Variants in KLRC1 observed in about 807,000 individuals in gnomAD.
KLRC1 encodes the protein NKG2-A/NKG2-B type II integral membrane protein.
In KLRC1, 22 loss-of-function variants were observed where a neutral mutation model predicts 25.9. The ratio of observed to expected loss-of-function variants is 0.85; its 90% CI spans 0.61 to 1.21. The LOEUF (loss-of-function observed/expected upper bound fraction) is 1.21, where lower values mean the gene tolerates loss of function less well. Among genes scored for constraint, KLRC1 ranks in the 50% most tolerant of loss-of-function variants. The pLI is 0.00. For missense variants in KLRC1, 240 were observed against 272.2 expected, an observed-to-expected ratio of 0.88 and a Z score of 0.83; for synonymous variants, 77 against 93.1, an observed-to-expected ratio of 0.83 and a Z score of 0.99.
downstream of KLRC1, among the ~76,000 whole-genome samples, chr12:10,444,798 T>G (rs1278174796): frequency 2.6e-5 from 4 of 151,948 alleles, no homozygotes; most frequent in Non-Finnish European, 5.9e-5. Context: ...CTTCCCAAGA[T>G]AGCCTTGATA....
rs572182116 is a variant in KLRC1, at chr12:10,446,346, C to T, written c.*205G>A. The T allele has an allele frequency of 1.4e-3, 1,836 of 1,321,608 alleles. 3 individuals carry two copies. Among genetic ancestry groups the T allele is most frequent in the Non-Finnish European group, 1.7e-3 (1,761 of 1,027,650 alleles). The allele number at this position is 1,321,608 out of a possible 1,614,324, so 81.9% of individuals were successfully genotyped here. A position where few individuals can be genotyped will look rare whatever the true frequency, so the allele number is the denominator to read the frequency against. ...TTAGAAAGGCTGAAAACCACAAATA[C>T]CATGTTGAGCAAAATGAGCCCGACA... On this transcript the variant is annotated 3_prime_UTR_variant, in exon 7 of 7. Transcript: ENST00000359151.
At chr12:10,454,667 T>G, upstream of KLRC1, 1 of 978,666 alleles carries the variant, frequency 1.0e-6, no homozygotes, top group Non-Finnish European at 1.2e-6. Flanking sequence ...GAATCTCCAC[T>G]CAAACTCCTC....
At chr12:10,447,136 C>G (rs35337127) in intron 6 of KLRC1, 2 of 209,232 alleles carry the variant, frequency 9.6e-6, no homozygotes, top group Non-Finnish European at 1.9e-5. Flanking sequence ...TCGCTGCCCA[C>G]GGGCCGCATG....
intron 3 of KLRC1, 100 bp from the exon 4 acceptor site, chr12:10,450,067 G>T (rs997120776): frequency 3.6e-5 from 32 of 893,158 alleles, no homozygotes; most frequent in Non-Finnish European, 4.7e-5. Context: ...TTTAGAGTTA[G>T]AATAATATGG....
In KLRC1 at chr12:10,449,968, C is replaced by A; in HGVS notation, c.284-1G>T. 6.8e-7 allele frequency: 1 copy of A among 1,464,748 alleles called. No homozygotes were observed. The highest frequency in any genetic ancestry group is 9.1e-7 in the Non-Finnish European group (1 of 1,103,318). 90.7% of individuals were successfully genotyped at this position (1,464,748 alleles called of 1,614,324 possible). A position where few individuals can be genotyped will look rare whatever the true frequency, so the allele number is the denominator to read the frequency against. On this transcript the variant is annotated splice_acceptor_variant, in intron 3 of 6. Transcript: ENST00000359151. LOFTEE classifies it high-confidence loss of function. ...TTGTTGTGCCTCTGTATTAATGTAG[C>A]TAGAAAAATTAAAGTAATCTTTGTA...
At position 10,451,115 on chromosome 12, in the gene KLRC1, G is replaced by C. The variant is rs751455817; in HGVS notation, c.42C>G (p.Pro14=). The stretch of plus-strand genomic sequence containing the variant: ...TTCGTTGCTGCCTCTTTGGGTTTGG[G>C]GGCAGATTCAGGTCTGAGTAGATTA... ...QGVIYSDLNL[P]PNPKRQQRKP... is the part of the protein sequence containing the mutation. The change falls in exon 2 of 7, where the codon CCC becomes CCG. Residue 14 remains proline, a synonymous_variant. Coordinates refer to ENST00000359151, the MANE Select transcript of KLRC1 (RefSeq NM_002259.5). 8 of 1,613,808 alleles carry C rather than the reference G, an allele frequency of 5.0e-6. No homozygotes were observed. The highest frequency in any genetic ancestry group is 2.5e-6 in the Non-Finnish European group (3 of 1,179,946).
At chr12:10,445,045 G>A (rs1439476744), downstream of KLRC1, among the ~76,000 whole-genome samples, 1 of 150,732 alleles carries the variant, frequency 6.6e-6, no homozygotes, top group Non-Finnish European at 1.5e-5. Context: ...TCAGCCTCTC[G>A]AGTAGCTGGG....
chr12:10,444,178 G>A (rs1227687145), downstream of KLRC1, among the ~76,000 whole-genome samples: 1 of 140,600 alleles, frequency 7.1e-6, no homozygotes, highest in Non-Finnish European at 1.5e-5. Context: ...AATAACCATT[G>A]AATGCACTAA....
rs767354951 is a variant in KLRC1 at position 10,447,554 on chromosome 12, T to G, written c.568A>C (p.Asn190His). 6 of 1,609,920 alleles carry G rather than the reference T, an allele frequency of 3.7e-6. No individual in the cohort carries two copies. The African/African-American group carries it at 6.7e-5, about 18-fold the overall frequency. ...TACTCATGTTTGAAAGCCAAACCATTCATTGTCACCCATGGATGATGACTG... is the reference window on the plus strand; with the variant it reads ...TACTCATGTTTGAAAGCCAAACCATGCATTGTCACCCATGGATGATGACTG... ...NSSHHPWVTM[N>H]GLAFKHEIKD... The change falls in exon 6 of 7, where the codon AAT becomes CAT. Residue 190 changes from asparagine (N) to histidine (H), a missense_variant. By Grantham distance (68) the Asn-to-His change is moderately conservative. Transcript: ENST00000359151.
chr12:10,444,748 C>T (rs556138841), downstream of KLRC1, among the ~76,000 whole-genome samples: 308 of 152,030 alleles, frequency 2.0e-3, no homozygotes, highest in African/African-American at 3.2e-3. Flanking sequence ...TAAAGCAGTA[C>T]GCTCAATAAA....
chr12:10,447,572 G>A lies in KLRC1; in HGVS notation c.550C>T (p.His184Tyr), dbSNP rs780114762. The change falls in exon 6 of 7, where the codon CAT becomes TAT. Residue 184 changes from histidine to tyrosine, a missense_variant. Coordinates refer to ENST00000359151, the MANE Select transcript of KLRC1 (RefSeq NM_002259.5). ...AAACCATTCATTGTCACCCATGGAT[G>A]ATGACTGCTGTTACGAAACACACCA... ...WIGVFRNSSHHPWVTMNGLAF... is the reference protein window; with the variant it reads ...WIGVFRNSSHYPWVTMNGLAF... The A allele has an allele frequency of 1.9e-6, 3 of 1,610,420 alleles. No individual in the cohort carries two copies. The highest frequency in any genetic ancestry group is 2.5e-6 in the Non-Finnish European group (3 of 1,178,038).
At chr12:10,447,668 AT>A in intron 5 of KLRC1, 36 bp from the exon 6 acceptor site, 1 of 1,500,476 alleles carries the variant, frequency 6.7e-7, no homozygotes, top group Non-Finnish European at 9.1e-7. Flanking sequence ...TTAAATAATA[AT>A]TATGAAAACA....
chr12:10,451,033 C>A lies in KLRC1; in HGVS notation c.124G>T (p.Glu42Ter). 1 of 1,613,978 alleles carries A rather than the reference C, an allele frequency of 6.2e-7. No individual in the cohort carries two copies. Among genetic ancestry groups the A allele is most frequent in the Non-Finnish European group, 8.5e-7 (1 of 1,179,960 alleles). Residue 42 changes from glutamate to a stop codon, truncating the protein, a stop_gained, in exon 2 of 7, where the codon GAA (glutamate) becomes TAA (stop). Coordinates refer to ENST00000359151, the MANE Select transcript of KLRC1 (RefSeq NM_002259.5). LOFTEE classifies it high-confidence loss of function. Reference sequence around the variant, plus strand: ...TGAGAAGCTTTTTGAAGGTTTAATTCCGCATAGGTTATTTCCTGTTCAGTT... The same window carrying A: ...TGAGAAGCTTTTTGAAGGTTTAATTACGCATAGGTTATTTCCTGTTCAGTT... ...LATEQEITYA[E>*]LNLQKASQDF...
At chr12:10,452,010 T>A (rs1360869056) in intron 1 of KLRC1, among the ~76,000 whole-genome samples, 1 of 151,714 alleles carries the variant, frequency 6.6e-6, no homozygotes, top group African/African-American at 2.4e-5. Flanking sequence ...ATGGCTGAAA[T>A]GTTCTAAGAA....
chr12:10,449,106 C>T, intron 5 of KLRC1, 131 bp downstream of exon 5: 1 of 1,156,434 alleles, frequency 8.6e-7, no homozygotes, highest in Non-Finnish European at 1.2e-6. Flanking sequence ...TTAAGTCAAT[C>T]AATTAAATAC....
downstream of KLRC1, chr12:10,446,012 T>G (rs549975145): frequency 1.3e-5 from 2 of 148,802 alleles, no homozygotes; most frequent in East Asian, 3.9e-4. Flanking sequence ...CAGTCACAAA[T>G]AATCCCAGGA....
intron 3 of KLRC1, chr12:10,450,281 T>C: frequency 2.0e-6 from 1 of 493,620 alleles, no homozygotes; most frequent in East Asian, 3.3e-5. Context: ...TCCAAATATA[T>C]ACATACGATT....
chr12:10,443,935 AG>A (rs1277828257), downstream of KLRC1, among the ~76,000 whole-genome samples: 1 of 137,994 alleles, frequency 7.2e-6, no homozygotes, highest in Non-Finnish European at 1.6e-5. Flanking sequence ...CCAGCTTCAT[AG>A]AAAATGTTCT....
At chr12:10,449,884 A>C (rs967262954) in intron 4 of KLRC1, 30 bp downstream of exon 4, 3 of 1,407,372 alleles carry the variant, frequency 2.1e-6, no homozygotes, top group Non-Finnish European at 1.9e-6. Context: ...TAAACTGTAC[A>C]ATATTAAAAC....
Sources: allele counts gnomAD v4.1 joint callset (sites outside exome capture counted in the v4.1 genomes callset), GRCh38; gene constraint gnomAD v4.1.1; transcripts MANE v1.5; gene names NCBI Gene and HGNC (gene_info 2026-07-23, HGNC 2026-07-21).